Variants in SLC24A3 observed in about 807,000 individuals in gnomAD.
SLC24A3 encodes the protein solute carrier family 24 member 3.
In SLC24A3, 28 loss-of-function variants were observed where a neutral mutation model predicts 75.8. That is an observed-to-expected ratio of 0.37 (90% CI 0.27 to 0.51). The LOEUF (loss-of-function observed/expected upper bound fraction) is 0.51. Ranked by LOEUF, SLC24A3 falls within the 20% of genes least tolerant of loss-of-function variation. SLC24A3 has a pLI of 0.94. For missense variants in SLC24A3, 663 were observed against 847.8 expected (o/e 0.78, Z 2.71); for synonymous variants, 372 against 334.1 (o/e 1.11, Z -1.24).
chr20:19,659,069 G>T (rs759882253), intron 7 of SLC24A3, among the ~76,000 whole-genome samples: 7 of 152,344 alleles, frequency 4.6e-5, no homozygotes, highest in Non-Finnish European at 1.0e-4. Context: ...GGAGGACGGG[G>T]ACTGTGAACA....
chr20:19,614,403 C>T (rs1282167059), intron 6 of SLC24A3, among the ~76,000 whole-genome samples: 1 of 152,194 alleles, frequency 6.6e-6, no homozygotes, highest in East Asian at 1.9e-4. Flanking sequence ...ATATCTTTCT[C>T]CTAGAATGTG....
intron 2 of SLC24A3, among the ~76,000 whole-genome samples, chr20:19,501,076 A>C (rs1295131600): frequency 6.6e-6 from 1 of 152,228 alleles, no homozygotes; most frequent in African/African-American, 2.4e-5. Flanking sequence ...AGTACATGGA[A>C]AGACAAAGAT....
At chr20:19,525,324 A>T (rs2030178513) in intron 3 of SLC24A3, among the ~76,000 whole-genome samples, 1 of 152,138 alleles carries the variant, frequency 6.6e-6, no homozygotes, top group African/African-American at 2.4e-5. Flanking sequence ...CAGCTGTCTC[A>T]GGCTGACTCC....
intron 8 of SLC24A3, among the ~76,000 whole-genome samples, chr20:19,667,367 C>T (rs2032410807): frequency 6.6e-6 from 1 of 152,278 alleles, no homozygotes; most frequent in African/African-American, 2.4e-5. Context: ...TTATATCATC[C>T]TGGAGGTGGC....
At chr20:19,697,491 G>A (rs1160261838) in intron 14 of SLC24A3, 1 of 152,750 alleles carries the variant, frequency 6.5e-6, no homozygotes, top group African/African-American at 2.4e-5. Flanking sequence ...TGCCCTCTAA[G>A]TGACAGGTCC....
chr20:19,420,041 A>G (rs1318359224), intron 2 of SLC24A3, among the ~76,000 whole-genome samples: 19 of 86,292 alleles, frequency 2.2e-4, no homozygotes, highest in Non-Finnish European at 3.4e-4. Context: ...ATGTGATCTC[A>G]TTGTTCAATT....
intron 2 of SLC24A3, among the ~76,000 whole-genome samples, chr20:19,296,114 T>C (rs112069569): frequency 0.02 from 3,068 of 152,160 alleles, 43 homozygotes; most frequent in African/African-American, 0.031. Flanking sequence ...CAGTTTATCC[T>C]TTTCTTCTAG....
intron 6 of SLC24A3, among the ~76,000 whole-genome samples, chr20:19,613,840 C>T (rs1221175692): frequency 6.6e-6 from 1 of 152,192 alleles, no homozygotes; most frequent in African/African-American, 2.4e-5. Flanking sequence ...TTGATGCTCA[C>T]CCTTGACTCA....
At chr20:19,245,620 A>G (rs569855427) in intron 1 of SLC24A3, among the ~76,000 whole-genome samples, 1 of 152,314 alleles carries the variant, frequency 6.6e-6, no homozygotes, top group East Asian at 1.9e-4. Context: ...ATGGAAAAAT[A>G]TGTAGTAGGC....
chr20:19,661,888 AT>A (rs1400015713), intron 7 of SLC24A3, among the ~76,000 whole-genome samples: 1 of 152,100 alleles, frequency 6.6e-6, no homozygotes, highest in Non-Finnish European at 1.5e-5. Context: ...TTGTTCTGAT[AT>A]CCAGGGATTC....
chr20:19,417,979 T>C (rs1484842938), intron 2 of SLC24A3, among the ~76,000 whole-genome samples: 1 of 152,210 alleles, frequency 6.6e-6, no homozygotes, highest in Non-Finnish European at 1.5e-5. Context: ...AAGGCCTACA[T>C]AATGTTGACA....
intron 2 of SLC24A3, among the ~76,000 whole-genome samples, chr20:19,304,991 C>G (rs1435285045): frequency 1.3e-5 from 2 of 151,710 alleles, no homozygotes; most frequent in Admixed American, 6.6e-5. Flanking sequence ...TTTAACTTTT[C>G]CTGTTGGCTG....
At chr20:19,443,066 A>G (rs570541293) in intron 2 of SLC24A3, among the ~76,000 whole-genome samples, 1 of 152,324 alleles carries the variant, frequency 6.6e-6, no homozygotes, top group Non-Finnish European at 1.5e-5. Context: ...TTTCAGAAAT[A>G]TCACATTATC....
chr20:19,518,965 C>G (rs567202351), intron 3 of SLC24A3, among the ~76,000 whole-genome samples: 2 of 152,128 alleles, frequency 1.3e-5, no homozygotes, highest in East Asian at 3.9e-4. Flanking sequence ...CTGGGACTGC[C>G]TTATCCAGGC....
chr20:19,241,212 G>A (rs928465787), intron 1 of SLC24A3, among the ~76,000 whole-genome samples: 1 of 152,214 alleles, frequency 6.6e-6, no homozygotes, highest in Non-Finnish European at 1.5e-5. Context: ...ACACGGACGG[G>A]GTTATCCAGA....
intron 2 of SLC24A3, among the ~76,000 whole-genome samples, chr20:19,457,199 T>G (rs1334670115): frequency 1.3e-5 from 2 of 152,172 alleles, no homozygotes; most frequent in African/African-American, 4.8e-5. Flanking sequence ...GAGTCTCATA[T>G]TTTATGACCA....
chr20:19,449,714 C>T (rs1987448887), intron 2 of SLC24A3, among the ~76,000 whole-genome samples: 1 of 152,184 alleles, frequency 6.6e-6, no homozygotes, highest in African/African-American at 2.4e-5. Flanking sequence ...AACCACATGC[C>T]TTGGAGCTTT....
intron 2 of SLC24A3, among the ~76,000 whole-genome samples, chr20:19,340,158 C>A (rs1253361840): frequency 6.6e-6 from 1 of 152,164 alleles, no homozygotes; most frequent in East Asian, 1.9e-4. Flanking sequence ...AAGGTTTTTA[C>A]AGAGGTAATT....
intron 2 of SLC24A3, among the ~76,000 whole-genome samples, chr20:19,301,971 G>A (rs73284651): frequency 0.021 from 3,195 of 152,302 alleles, 47 homozygotes; most frequent in African/African-American, 0.034. Context: ...TAAAGGAACC[G>A]GGCATTTGTT....
Sources: gnomAD v4.1 joint callset for allele counts (sites outside exome capture counted in the v4.1 genomes callset) on GRCh38, gnomAD v4.1.1 for gene constraint, MANE v1.5 for transcripts, NCBI Gene and HGNC (gene_info 2026-07-23, HGNC 2026-07-21) for gene names.